Variants in SEC16A observed in about 807,000 individuals in gnomAD.
SEC16A encodes protein transport protein Sec16A.
A neutral mutation model predicts 221.9 loss-of-function variants in SEC16A; 110 were observed. That is an observed-to-expected ratio of 0.50 (90% CI 0.42 to 0.58). The LOEUF is 0.58. Among genes scored for constraint, SEC16A ranks in the 20% least tolerant of loss-of-function variants. SEC16A has a pLI of 0.00. For missense variants in SEC16A, 3,165 were observed against 3,097.8 expected (o/e 1.02, Z -0.52); for synonymous variants, 1,393 against 1,257.7 (o/e 1.11, Z -2.28).
At chr9:136,442,778 A>G (rs1836374910) in intron 31 of SEC16A, among the ~76,000 whole-genome samples, 1 of 152,260 alleles carries the variant, frequency 6.6e-6, no homozygotes, top group African/African-American at 2.4e-5. Context: ...GGCCACTTGC[A>G]GTTCTGAAGA....
intron 4 of SEC16A, among the ~76,000 whole-genome samples, chr9:136,470,224 C>T (rs564825222): frequency 6.6e-6 from 1 of 152,336 alleles, no homozygotes; most frequent in African/African-American, 2.4e-5. Flanking sequence ...CCGCAGGATC[C>T]GAACACAGGA....
At chr9:136,444,948 G>T in intron 30 of SEC16A, 104 bp downstream of exon 30, 1 of 855,238 alleles carries the variant, frequency 1.2e-6, no homozygotes, top group Non-Finnish European at 1.9e-6. Flanking sequence ...GACAACGGGC[G>T]AGGTTAGTGG....
Position 136,475,759 on chromosome 9 carries a change from AACT to A in SEC16A, c.1854_1856del (p.Leu618_Val619delinsPhe). ...GATCTGCCTCAAATGGTTTTACCCCAACTAAGTGAGATTTTACCGGTTCGAAAG... is the reference window on the plus strand; with the variant it reads ...GATCTGCCTCAAATGGTTTTACCCCAAAGTGAGATTTTACCGGTTCGAAAG... On this transcript the variant is annotated inframe_deletion, in exon 3 of 32. Coordinates refer to ENST00000684901, the MANE Select transcript of SEC16A (RefSeq NM_014866.2). This position sits in a 1 kb window ranked among gnomAD's most constrained non-coding sequence, Gnocchi z 5.0. 2 of 1,604,720 alleles carry A rather than the reference AACT, an allele frequency of 1.2e-6. No homozygotes were observed. Among genetic ancestry groups the A allele is most frequent in the Non-Finnish European group, 8.5e-7 (1 of 1,175,498 alleles).
At position 136,446,856 on chromosome 9, in the gene SEC16A, T is replaced by C. The variant is rs908264944; in HGVS notation, c.6791A>G (p.Lys2264Arg). Residue 2264 changes from lysine (K) to arginine (R), a missense_variant and splice_region_variant, in exon 28 of 32, where the codon AAG becomes AGG. This residue lies in a region of SEC16A where 1,088 missense variants were observed against 1,089.6 expected (regional missense o/e 1.00). Transcript: ENST00000684901. The part of the protein sequence containing the change: ...LANPEPAPEP[K>R]VLSSAASLPG... ...CCCTTTCCCACCGTACCCGCTCACC[T>C]TGGGCTCTGGGGCAGGCTCTGGATT... is the stretch of plus-strand genomic sequence containing the variant. 3.1e-6 allele frequency: 5 copies of C among 1,603,412 alleles called. No individual in the cohort carries two copies. The highest frequency in any genetic ancestry group is 3.4e-6 in the Non-Finnish European group (4 of 1,176,284).
intron 12 of SEC16A, 94 bp downstream of exon 12, chr9:136,462,793 G>C (rs1205822982): frequency 1.4e-6 from 2 of 1,439,156 alleles, no homozygotes; most frequent in East Asian, 4.8e-5. Flanking sequence ...GCTCCCAAGA[G>C]GGGGCCACGT....
chr9:136,442,396 G>A (rs1836313922), intron 31 of SEC16A, among the ~76,000 whole-genome samples: 1 of 152,268 alleles, frequency 6.6e-6, no homozygotes. Flanking sequence ...GGCCTCGTTT[G>A]TAGAGGACCA....
Position 136,474,900 on chromosome 9 carries a change from T to C in SEC16A, c.2716A>G (p.Asn906Asp). The part of the protein sequence containing the change: ...LSLPSSVAQS[N>D]FPQGSGASEM... ...GAAGCACCAGAACCTTGTGGAAAAT[T>C]ACTTTGGGCAACACTGCTAGGCAGA... The change falls in exon 3 of 32, where the codon AAT (asparagine) becomes GAT (aspartate). Residue 906 changes from asparagine (N) to aspartate (D), a missense_variant. Coordinates refer to ENST00000684901, the MANE Select transcript of SEC16A (RefSeq NM_014866.2). 6.2e-7 allele frequency: 1 copy of C among 1,613,652 alleles called. No individual in the cohort carries two copies.
Position 136,462,803 on chromosome 9 carries a change from T to C in SEC16A, c.4893+84A>G, listed in dbSNP as rs1588949297. The C allele has an allele frequency of 8.7e-6, 13 of 1,497,360 alleles. No homozygotes were observed. The East Asian group carries it at 3.1e-4, about 35-fold the overall frequency. 92.8% of individuals were successfully genotyped at this position (1,497,360 alleles called of 1,614,324 possible). A position where few individuals can be genotyped will look rare whatever the true frequency, so the allele number is the denominator to read the frequency against. ...CGGATGCTCCCAAGAGGGGGCCACGTCCCTCCCTGAAGGCTGCAACCCCGC... is the reference window on the plus strand; with the variant it reads ...CGGATGCTCCCAAGAGGGGGCCACGCCCCTCCCTGAAGGCTGCAACCCCGC... On this transcript the variant is annotated intron_variant, in intron 12 of 31. Coordinates refer to ENST00000684901, the MANE Select transcript of SEC16A (RefSeq NM_014866.2).
upstream of SEC16A, chr9:136,484,655 G>A (rs368289660): frequency 1.5e-6 from 2 of 1,365,816 alleles, no homozygotes; most frequent in Non-Finnish European, 2.0e-6. Flanking sequence ...TGGTGAGGGA[G>A]GGGGTGATAT....
chr9:136,454,406 G>A lies in SEC16A; in HGVS notation c.5858-79C>T, dbSNP rs1046200446. 6.2e-6 allele frequency: 8 copies of A among 1,295,810 alleles called. No individual in the cohort carries two copies. In the African/African-American group the frequency reaches 8.8e-5, roughly 14 times the overall value. The allele number at this position is 1,295,810 out of a possible 1,614,324, so 80.3% of individuals were successfully genotyped here. Reference sequence around the variant, plus strand: ...ACTGGAAGGAGCTGACACTCGACGTGTTTATGACAAGTTATTTTGTACAGC... The same window carrying A: ...ACTGGAAGGAGCTGACACTCGACGTATTTATGACAAGTTATTTTGTACAGC... On this transcript the variant is annotated intron_variant, in intron 20 of 31. Coordinates refer to ENST00000684901, the MANE Select transcript of SEC16A (RefSeq NM_014866.2).
intron 23 of SEC16A, among the ~76,000 whole-genome samples, chr9:136,450,476 TG>T (rs1229054806): frequency 6.8e-6 from 1 of 147,380 alleles, no homozygotes; most frequent in Admixed American, 7.1e-5. Context: ...CCCATCTTTA[TG>T]GGGGAAAAAA....
intron 30 of SEC16A, among the ~76,000 whole-genome samples, chr9:136,444,477 C>G (rs1366060425): frequency 6.6e-6 from 1 of 152,192 alleles, no homozygotes; most frequent in Admixed American, 6.5e-5. Context: ...GAGGCCACGA[C>G]CCAGGCCCGT....
At chr9:136,445,578 G>A (rs1034742005) in intron 29 of SEC16A, 67 bp downstream of exon 29, 3 of 1,210,196 alleles carry the variant, frequency 2.5e-6, no homozygotes, top group African/African-American at 1.5e-5. Flanking sequence ...TAAAGGAAGA[G>A]GCGCCTGGAC....
At chr9:136,462,597 C>T (rs910269692) in intron 12 of SEC16A, among the ~76,000 whole-genome samples, 1 of 152,230 alleles carries the variant, frequency 6.6e-6, no homozygotes, top group African/African-American at 2.4e-5. Flanking sequence ...TTGGCACACA[C>T]AGCAGGGGCA....
chr9:136,476,893 CACCCCGCTGGG>C lies in SEC16A; in HGVS notation c.712_722del (p.Pro238AlafsTer22). ...AATGAGGAACGCTGGTGGCACAGGG[CACCCCGCTGGG>C]AACAGGTCCTTCAGGGCAGGGTGAA... is the stretch of plus-strand genomic sequence containing the variant. On this transcript the variant is annotated frameshift_variant, in exon 3 of 32. Coordinates refer to ENST00000684901, the MANE Select transcript of SEC16A (RefSeq NM_014866.2). LOFTEE classifies it high-confidence loss of function. 6.2e-7 allele frequency: 1 copy of C among 1,611,550 alleles called. No individual in the cohort carries two copies.
At chr9:136,484,704 A>G, upstream of SEC16A, 1 of 1,366,494 alleles carries the variant, frequency 7.3e-7, no homozygotes, top group South Asian at 1.1e-5. Flanking sequence ...GTGCAGGGAG[A>G]GCTTCAGTCC....
At position 136,474,694 on chromosome 9, in the gene SEC16A, C is replaced by CA; in HGVS notation, c.2921dup (p.Val975GlyfsTer3). 1 of 1,613,780 alleles carries CA rather than the reference C, an allele frequency of 6.2e-7. No individual in the cohort carries two copies. The highest frequency in any genetic ancestry group is 8.5e-7 in the Non-Finnish European group (1 of 1,179,886). On this transcript the variant is annotated frameshift_variant, in exon 3 of 32. Transcript: ENST00000684901. LOFTEE classifies it high-confidence loss of function. ...GGTTTGCCTTATTACCATCAGGCAC[C>CA]AGGGTGCCGTGTGCAGGTGGAACTA...
rs1439284208 is a variant in SEC16A at position 136,474,930 on chromosome 9, A to G, written c.2686T>C (p.Leu896=). ...SGIPTSSVLS[L]SLPSSVAQSN... is the part of the protein sequence containing the mutation. Reference sequence around the variant, plus strand: ...TGGGCAACACTGCTAGGCAGAGACAAGCTAAGGACAGAGCTGGTTGGAATC... The same window carrying G: ...TGGGCAACACTGCTAGGCAGAGACAGGCTAAGGACAGAGCTGGTTGGAATC... The change falls in exon 3 of 32, where the codon TTG becomes CTG. Residue 896 remains leucine (L), a synonymous_variant. Transcript: ENST00000684901. 1.2e-6 allele frequency: 2 copies of G among 1,613,862 alleles called. No homozygotes were observed. The highest frequency in any genetic ancestry group is 1.7e-6 in the Non-Finnish European group (2 of 1,179,870).
At position 136,472,039 on chromosome 9, in the gene SEC16A, G is replaced by A. The variant is rs755385943; in HGVS notation, c.3640C>T (p.Arg1214Cys). 42 of 1,612,938 alleles carry A rather than the reference G, an allele frequency of 2.6e-5. No homozygotes were observed. Among genetic ancestry groups the A allele is most frequent in the South Asian group, 3.3e-5 (3 of 91,088 alleles). Residue 1214 changes from arginine (R) to cysteine (C), a missense_variant, in exon 4 of 32, where the codon CGC (arginine) becomes TGC (cysteine). Around this residue, in one of 3 missense-constraint regions of SEC16A, gnomAD observed 2,030 missense variants for 1,923.1 expected, o/e 1.06. Coordinates refer to ENST00000684901, the MANE Select transcript of SEC16A (RefSeq NM_014866.2). ...GAASAYAQNY[R>C]YPEPERPSSR... Reference sequence around the variant, plus strand: ...CTGGGCCGCTCGGGCTCGGGATAGCGGTAGTTCTGGGCGTAAGCAGACGCA... The same window carrying A: ...CTGGGCCGCTCGGGCTCGGGATAGCAGTAGTTCTGGGCGTAAGCAGACGCA...
Sources: allele counts gnomAD v4.1 joint callset (sites outside exome capture counted in the v4.1 genomes callset), GRCh38; gene constraint gnomAD v4.1.1; regional missense constraint gnomAD v4.1.1; non-coding constraint Gnocchi (gnomAD v3.1); transcripts MANE v1.5; gene names NCBI Gene and HGNC (gene_info 2026-07-23, HGNC 2026-07-21).